The following DMBT1 variants were observed in gnomAD, a reference collection of about 807,000 sequenced individuals.
DMBT1 encodes the protein scavenger receptor cysteine-rich domain-containing protein DMBT1.
Under a neutral mutation model 252.9 loss-of-function variants are expected in DMBT1, and 198 were observed. The observed-to-expected ratio is 0.78, with a 90% CI of 0.70 to 0.88. The LOEUF is 0.88. Among genes scored for constraint, DMBT1 ranks in the 40% least tolerant of loss-of-function variants. The pLI, the probability that DMBT1 is intolerant of heterozygous loss-of-function variation, is 0.00. For synonymous variants in DMBT1, 990 were observed against 942.7 expected (o/e 1.05, Z -0.92); for missense variants, 2,432 against 2,404.7 (o/e 1.01, Z -0.24).
intron 6 of DMBT1, among the ~76,000 whole-genome samples, chr10:122,575,070 AT>A (rs1360641986): frequency 2.0e-5 from 3 of 152,184 alleles, no homozygotes; most frequent in Non-Finnish European, 4.4e-5. Context: ...CTCTGGAGCA[AT>A]TCAAAAACGG....
Position 122,618,024 on chromosome 10 carries a change from A to G in DMBT1, c.4899A>G (p.Glu1633=). The part of the protein sequence containing the change: ...PTSRASTAGS[E]STLALRLVNG... ...TCTTGTGTTCCCCTGTAGGATCTGA[A>G]TCCACTTTGGCCCTGAGACTGGTGA... Residue 1633 remains glutamate, a synonymous_variant, in exon 41 of 56, where the codon GAA becomes GAG. Coordinates refer to ENST00000338354, the MANE Select transcript of DMBT1 (RefSeq NM_001377530.1). 2 of 1,612,772 alleles carry G rather than the reference A, an allele frequency of 1.2e-6. No individual in the cohort carries two copies. Among genetic ancestry groups the G allele is most frequent in the South Asian group, 1.1e-5 (1 of 91,030 alleles).
At chr10:122,568,149 G>A (rs1184253418) in intron 2 of DMBT1, among the ~76,000 whole-genome samples, 1 of 152,170 alleles carries the variant, frequency 6.6e-6, no homozygotes, top group East Asian at 1.9e-4. Flanking sequence ...GTTAGATGTA[G>A]GATGTGAGGA....
intron 45 of DMBT1, 144 bp from the exon 46 acceptor site, chr10:122,625,789 C>T: frequency 1.4e-6 from 1 of 725,674 alleles, no homozygotes; most frequent in Non-Finnish European, 2.5e-6. Context: ...ACCTTACTGG[C>T]CATGAACAGT....
rs184460948 is a variant in DMBT1, at chr10:122,568,382, C to A, written c.92-1780C>A. ...GGATTTGGGGGTCTTCTGGAAAGTTCTCAGAGTACATGAGGTTCTCCAGGG... is the reference window on the plus strand; with the variant it reads ...GGATTTGGGGGTCTTCTGGAAAGTTATCAGAGTACATGAGGTTCTCCAGGG... On this transcript the variant is annotated intron_variant, in intron 2 of 55. Coordinates refer to ENST00000338354, the MANE Select transcript of DMBT1 (RefSeq NM_001377530.1). 4.7e-4 allele frequency among the ~76,000 whole-genome samples: 72 copies of A among 152,116 alleles called. 3 individuals carry two copies. The highest frequency in any genetic ancestry group is 4.6e-3 in the Admixed American group (71 of 15,288).
chr10:122,591,357 C>T, intron 18 of DMBT1, 122 bp from the exon 19 acceptor site: 2 of 1,148,076 alleles, frequency 1.7e-6, no homozygotes, highest in South Asian at 2.6e-5. Context: ...ACATGGGGAG[C>T]AAGTGGCAGG....
intron 50 of DMBT1, among the ~76,000 whole-genome samples, 172 bp from the exon 51 acceptor site, chr10:122,632,689 C>T (rs1197903666): frequency 6.6e-6 from 1 of 152,106 alleles, no homozygotes; most frequent in African/African-American, 2.4e-5. Context: ...TGCTGGGATT[C>T]GCTCTCCTCC....
chr10:122,636,108 C>A lies in DMBT1; in HGVS notation c.6666C>A (p.Asn2222Lys). The change falls in exon 53 of 56, where the codon AAC (asparagine) becomes AAA (lysine). Residue 2222 changes from asparagine (N) to lysine (K), a missense_variant. Asn to Lys is a moderately conservative substitution (Grantham distance 94). Coordinates refer to ENST00000338354, the MANE Select transcript of DMBT1 (RefSeq NM_001377530.1). ...GAGGCTCCTTCACTTCTTCCTCCAA[C>A]TTCATGTCCATTCGCTTCATCAGTG... ...GARGSFTSSSNFMSIRFISDH... is the reference protein window; with the variant it reads ...GARGSFTSSSKFMSIRFISDH... 6.2e-7 allele frequency: 1 copy of A among 1,614,004 alleles called. No homozygotes were observed. Among genetic ancestry groups the A allele is most frequent in the East Asian group, 2.2e-5 (1 of 44,872 alleles).
intron 45 of DMBT1, 107 bp from the exon 46 acceptor site, chr10:122,625,826 G>T: frequency 1.1e-6 from 1 of 926,812 alleles, no homozygotes; most frequent in Non-Finnish European, 1.8e-6. Flanking sequence ...AAGGCTCTGA[G>T]AAGTCCTGTA....
Position 122,618,296 on chromosome 10 carries a change from C to A in DMBT1, c.5171C>A (p.Ser1724Tyr), listed in dbSNP as rs1316056137. ...AGCTGCCCCCACAATGGCTGGCTCT[C>A]CCACAACTGTGGCCATCATGAAGAT... ...LWSCPHNGWL[S>Y]HNCGHHEDAG... is the part of the protein sequence containing the mutation. The change falls in exon 41 of 56, where the codon TCC becomes TAC. Residue 1724 changes from serine (S) to tyrosine (Y), a missense_variant. Physicochemically the swap from Ser to Tyr is moderately radical, Grantham distance 144. This residue lies in a region of DMBT1 where 1,162 missense variants were observed against 1,169.0 expected (regional missense o/e 0.99). Transcript: ENST00000338354. The A allele has an allele frequency of 4.3e-6, 7 of 1,613,714 alleles. No homozygotes were observed. Among genetic ancestry groups the A allele is most frequent in the African/African-American group, 1.3e-5 (1 of 74,918 alleles).
At chr10:122,597,646 A>G (rs3981002) in intron 24 of DMBT1, among the ~76,000 whole-genome samples, 2,927 of 152,022 alleles carry the variant, frequency 0.019, 81 homozygotes, top group East Asian at 0.14. Context: ...TTTCCCTAAC[A>G]TTTTAGCTCG....
At chr10:122,584,789 C>G (rs186723160) in intron 14 of DMBT1, among the ~76,000 whole-genome samples, 1 of 149,280 alleles carries the variant, frequency 6.7e-6, no homozygotes, top group Non-Finnish European at 1.5e-5. Context: ...CCCTTCCTCA[C>G]TCCTTCCAAC....
chr10:122,631,970 G>A, intron 50 of DMBT1, 95 bp downstream of exon 50: 1 of 1,406,006 alleles, frequency 7.1e-7, no homozygotes, highest in Non-Finnish European at 1.0e-6. Flanking sequence ...CACTCTCCAA[G>A]GAGTTCATCT....
chr10:122,618,553 C>G (rs1194109331), intron 41 of DMBT1, among the ~76,000 whole-genome samples: 2 of 152,236 alleles, frequency 1.3e-5, no homozygotes, highest in African/African-American at 4.8e-5. Context: ...ACTGAAACAA[C>G]AACCCAGACT....
intron 52 of DMBT1, among the ~76,000 whole-genome samples, chr10:122,635,028 T>C (rs1428183951): frequency 6.6e-6 from 1 of 152,248 alleles, no homozygotes; most frequent in Non-Finnish European, 1.5e-5. Context: ...TTTTATTCTC[T>C]TTGTCATTAC....
chr10:122,575,709 G>A (rs566344094), intron 6 of DMBT1, among the ~76,000 whole-genome samples: 2 of 152,322 alleles, frequency 1.3e-5, no homozygotes, highest in African/African-American at 4.8e-5. Flanking sequence ...GGAATGGGAT[G>A]GGAGGGAATG....
intron 20 of DMBT1, 42 bp downstream of exon 20, chr10:122,592,637 T>G (rs2097858616): frequency 6.3e-7 from 1 of 1,585,552 alleles, no homozygotes; most frequent in Non-Finnish European, 8.6e-7. Flanking sequence ...TAGACTGGAG[T>G]TTGCTCAGGA....
intron 43 of DMBT1, 79 bp from the exon 44 acceptor site, chr10:122,620,978 G>A: frequency 6.3e-7 from 1 of 1,590,030 alleles, no homozygotes; most frequent in Non-Finnish European, 8.6e-7. Flanking sequence ...CCATTAGGAA[G>A]TGCCCTGAGT....
At chr10:122,572,406 G>T (rs1229001377) in intron 5 of DMBT1, 45 bp downstream of exon 5, 7 of 1,605,050 alleles carry the variant, frequency 4.4e-6, no homozygotes, top group Non-Finnish European at 4.3e-6. Context: ...TTACCCCTCT[G>T]TACTCCTAGA....
rs1356278713 is a variant in DMBT1, at chr10:122,589,280, C to G, written c.2107+13C>G. On this transcript the variant is annotated intron_variant, in intron 17 of 55. Coordinates refer to ENST00000338354, the MANE Select transcript of DMBT1 (RefSeq NM_001377530.1). ...GTCATCTGCTCAGGTGGGCCTCCAG[C>G]AATTTTGGTTTCCTCTCTTGGGGTA... 1.3e-6 allele frequency: 2 copies of G among 1,588,172 alleles called. No homozygotes were observed. The highest frequency in any genetic ancestry group is 1.2e-5 in the South Asian group (1 of 86,942).
Sources: allele counts gnomAD v4.1 joint callset (sites outside exome capture counted in the v4.1 genomes callset), GRCh38; gene constraint gnomAD v4.1.1; regional missense constraint gnomAD v4.1.1; transcripts MANE v1.5; gene names NCBI Gene and HGNC (gene_info 2026-07-23, HGNC 2026-07-21).